SEC16A: variants seen among roughly 807,000 people sequenced by gnomAD.
SEC16A encodes protein transport protein Sec16A.
In SEC16A, 110 loss-of-function variants were observed where a neutral mutation model predicts 221.9. That is an observed-to-expected ratio of 0.50 (90% confidence interval 0.42 to 0.58). The LOEUF is 0.58. Ranked by LOEUF, SEC16A falls within the 20% of genes least tolerant of loss-of-function variation. The pLI is 0.00. For missense variants in SEC16A, 3,165 were observed against 3,097.8 expected (o/e 1.02, Z -0.52); for synonymous variants, 1,393 against 1,257.7 (o/e 1.11, Z -2.28).
intron 23 of SEC16A, among the ~76,000 whole-genome samples, chr9:136,449,798 AG>A (rs1257129476): frequency 8.5e-5 from 13 of 152,230 alleles, no homozygotes; most frequent in African/African-American, 3.1e-4. Flanking sequence ...GTTTTATCTC[AG>A]AGCTCACACA....
chr9:136,460,089 G>A lies in SEC16A; in HGVS notation c.5026C>T (p.Gln1676Ter). ...ANSLPINDPLQTVYQLMSGRM... is the reference protein window; with the variant it reads ...ANSLPINDPL ...CCGGACATGAGCTGGTAGACTGTCT[G>A]CAGAGGGTCGTTGATTGGGAGGCTG... The change falls in exon 14 of 32, where the codon CAG becomes TAG. Residue 1676 changes from glutamine to a stop codon, truncating the protein, a stop_gained. Transcript: ENST00000684901. LOFTEE classifies it high-confidence loss of function. 6.2e-7 allele frequency: 1 copy of A among 1,607,834 alleles called. No homozygotes were observed. The highest frequency in any genetic ancestry group is 8.5e-7 in the Non-Finnish European group (1 of 1,177,162).
chr9:136,447,182 G>C lies in SEC16A; in HGVS notation c.6697+45C>G. On this transcript the variant is annotated intron_variant, in intron 27 of 31. Coordinates refer to ENST00000684901, the MANE Select transcript of SEC16A (RefSeq NM_014866.2). This position sits in a 1 kb window ranked among gnomAD's most constrained non-coding sequence, Gnocchi z 5.5. ...TCATAGAAAGAGGATCAAAGGTCAG[G>C]AGACTGGGGGCTGACCTGGAGGGGC... 1 of 1,567,688 alleles carries C rather than the reference G, an allele frequency of 6.4e-7. No individual in the cohort carries two copies. Among genetic ancestry groups the C allele is most frequent in the Non-Finnish European group, 8.7e-7 (1 of 1,155,880 alleles).
Position 136,455,725 on chromosome 9 carries a change from C to A in SEC16A, c.5733G>T (p.Glu1911Asp), listed in dbSNP as rs1421572260. ...GTCCTGGCCTGTCCAACTGCTCCAT[C>A]TCGGAACTCGGAGTGCCAGGACACT... ...PQQCPGTPSSEMEQLDRPGLS... is the reference protein window; with the variant it reads ...PQQCPGTPSSDMEQLDRPGLS... Residue 1911 changes from glutamate to aspartate, a missense_variant, in exon 20 of 32, where the codon GAG (glutamate) becomes GAT (aspartate). Transcript: ENST00000684901. 1 of 1,596,262 alleles carries A rather than the reference C, an allele frequency of 6.3e-7. No homozygotes were observed.
chr9:136,456,903 C>T (rs1368967787), intron 18 of SEC16A, among the ~76,000 whole-genome samples: 3 of 152,118 alleles, frequency 2.0e-5, no homozygotes, highest in Admixed American at 1.3e-4. Flanking sequence ...CGTGGTGGCT[C>T]ACGCCTGTAA....
Position 136,447,475 on chromosome 9 carries a change from C to T in SEC16A, c.6559+94G>A. 2.0e-6 allele frequency: 3 copies of T among 1,535,742 alleles called. No individual in the cohort carries two copies. The highest frequency in any genetic ancestry group is 2.7e-6 in the Non-Finnish European group (3 of 1,122,126). The stretch of plus-strand genomic sequence containing the variant: ...AAAGCACGCAGGGACGTGCGGGAAG[C>T]CACCTCCTCCCCACGCACAACAGCT... On this transcript the variant is annotated intron_variant, in intron 26 of 31. Coordinates refer to ENST00000684901, the MANE Select transcript of SEC16A (RefSeq NM_014866.2). This position sits in a 1 kb window ranked among gnomAD's most constrained non-coding sequence, Gnocchi z 5.5.
chr9:136,483,651 A>G, upstream of SEC16A: 6 of 985,512 alleles, frequency 6.1e-6, no homozygotes, highest in Non-Finnish European at 7.2e-6. Flanking sequence ...AATCAAGGCC[A>G]CAAGCGGGAA....
Position 136,474,739 on chromosome 9 carries a change from A to G in SEC16A, c.2877T>C (p.Ala959=). ...SALPGFANSP[A]GSTSVVLVPP... is the part of the protein sequence containing the mutation. ...GAACTAACACCACACTTGTGCTTCCAGCAGGGCTATTAGCAAATCCGGGAA... is the reference window on the plus strand; with the variant it reads ...GAACTAACACCACACTTGTGCTTCCGGCAGGGCTATTAGCAAATCCGGGAA... The change falls in exon 3 of 32, where the codon GCT becomes GCC. Residue 959 remains alanine, a synonymous_variant. Coordinates refer to ENST00000684901, the MANE Select transcript of SEC16A (RefSeq NM_014866.2). The G allele has an allele frequency of 1.2e-6, 2 of 1,613,930 alleles. No individual in the cohort carries two copies. The highest frequency in any genetic ancestry group is 1.7e-6 in the Non-Finnish European group (2 of 1,179,900).
intron 20 of SEC16A, among the ~76,000 whole-genome samples, chr9:136,455,231 G>A (rs746379686): frequency 8.5e-5 from 13 of 152,306 alleles, no homozygotes; most frequent in South Asian, 2.1e-4. Flanking sequence ...CGACGGGGCC[G>A]ACTGGGAGAA....
upstream of SEC16A, chr9:136,483,539 G>C (rs1842686879): frequency 2.0e-6 from 2 of 976,924 alleles, no homozygotes. Context: ...CCACCTGCCC[G>C]GCCAGGCGCG....
chr9:136,459,603 C>T lies in SEC16A; in HGVS notation c.5192-48G>A, dbSNP rs1021038485. 1.6e-5 allele frequency: 24 copies of T among 1,472,124 alleles called. No homozygotes were observed. In the East Asian group the frequency reaches 2.4e-4, roughly 15 times the overall value. 91.2% of individuals were successfully genotyped at this position (1,472,124 alleles called of 1,614,324 possible). On this transcript the variant is annotated intron_variant, in intron 15 of 31. Transcript: ENST00000684901. The surrounding 1 kb of genome is among the most constrained non-coding windows in gnomAD (Gnocchi z 6.1). ...ACGGCGGGGGCTCAGCGACCGGGAG[C>T]GCTTGCAGAAGTCAAGGACGCGCAC...
intron 18 of SEC16A, among the ~76,000 whole-genome samples, chr9:136,456,972 G>T (rs1838766234): frequency 6.6e-6 from 1 of 152,212 alleles, no homozygotes; most frequent in Non-Finnish European, 1.5e-5. Context: ...AAGAGTTCGA[G>T]ACCAGCCTGG....
At chr9:136,463,972 C>T (rs1477637209) in intron 9 of SEC16A, among the ~76,000 whole-genome samples, 1 of 152,230 alleles carries the variant, frequency 6.6e-6, no homozygotes. Context: ...TTTTCTCTCC[C>T]CAAATACTGA....
chr9:136,463,422 A>T, intron 11 of SEC16A, 41 bp downstream of exon 11: 1 of 1,600,532 alleles, frequency 6.2e-7, no homozygotes, highest in Non-Finnish European at 8.5e-7. Context: ...CGAAATGAAG[A>T]CCAGCAAGAA....
chr9:136,456,268 T>A (rs1189213218), intron 18 of SEC16A, 102 bp from the exon 19 acceptor site: 1 of 795,524 alleles, frequency 1.3e-6, no homozygotes, highest in African/African-American at 1.7e-5. Context: ...TCACTGGCAA[T>A]AAAGTTTAAT....
At position 136,447,175 on chromosome 9, in the gene SEC16A, AG is replaced by A; in HGVS notation, c.6697+51del. 1 of 1,560,204 alleles carries A rather than the reference AG, an allele frequency of 6.4e-7. No homozygotes were observed. The highest frequency in any genetic ancestry group is 8.7e-7 in the Non-Finnish European group (1 of 1,151,122). ...GAGAGACTCATAGAAAGAGGATCAA[AG>A]GTCAGGAGACTGGGGGCTGACCTGG... On this transcript the variant is annotated intron_variant, in intron 27 of 31. Transcript: ENST00000684901. This position sits in a 1 kb window ranked among gnomAD's most constrained non-coding sequence, Gnocchi z 5.5.
chr9:136,454,268 C>T lies in SEC16A; in HGVS notation c.5917G>A (p.Val1973Met). 6.3e-7 allele frequency: 1 copy of T among 1,583,520 alleles called. No individual in the cohort carries two copies. The highest frequency in any genetic ancestry group is 8.6e-7 in the Non-Finnish European group (1 of 1,165,350). The change falls in exon 21 of 32, where the codon GTG becomes ATG. Residue 1973 changes from valine to methionine, a missense_variant. This residue lies in a region of SEC16A where 1,088 missense variants were observed against 1,089.6 expected (regional missense o/e 1.00). Transcript: ENST00000684901. ...ASPARVPMFP[V>M]PLPPGPLEPG... The stretch of plus-strand genomic sequence containing the variant: ...TCCAGGGGCCCCGGGGGCAGTGGCA[C>T]TGGGAACATCGGCACTCTGGCAGGA...
intron 4 of SEC16A, 53 bp downstream of exon 4, chr9:136,471,922 C>T: frequency 1.9e-6 from 3 of 1,593,892 alleles, no homozygotes; most frequent in Non-Finnish European, 2.6e-6. Flanking sequence ...GCAAGCAACA[C>T]AGACATGGGT....
At position 136,476,772 on chromosome 9, in the gene SEC16A, C is replaced by T. The variant is rs1322576039; in HGVS notation, c.844G>A (p.Glu282Lys). ...PAALPSDGRDEVSHLQSGSHL... is the reference protein window; with the variant it reads ...PAALPSDGRDKVSHLQSGSHL... ...CTTCCACTTTGCAAGTGGCTCACCT[C>T]GTCTCTTCCGTCACTGGGCAAGGCT... Residue 282 changes from glutamate (E) to lysine (K), a missense_variant, in exon 3 of 32, where the codon GAG (glutamate) becomes AAG (lysine). Glu to Lys is a moderately conservative substitution (Grantham distance 56). Coordinates refer to ENST00000684901, the MANE Select transcript of SEC16A (RefSeq NM_014866.2). 16 of 1,611,096 alleles carry T rather than the reference C, an allele frequency of 9.9e-6. No individual in the cohort carries two copies. The highest frequency in any genetic ancestry group is 2.2e-5 in the East Asian group (1 of 44,810).
Position 136,441,720 on chromosome 9 carries a change from C to T in SEC16A, c.*35G>A. The T allele has an allele frequency of 6.2e-7, 1 of 1,603,370 alleles. No homozygotes were observed. Among genetic ancestry groups the T allele is most frequent in the Non-Finnish European group, 8.5e-7 (1 of 1,170,986 alleles). ...GGTTCTTCGGGGAGAACAGCAGCGT[C>T]AGGGCTCCAAGTGCAAGTTCACAGC... On this transcript the variant is annotated 3_prime_UTR_variant, in exon 32 of 32. Coordinates refer to ENST00000684901, the MANE Select transcript of SEC16A (RefSeq NM_014866.2).
Sources: allele counts gnomAD v4.1 joint callset (sites outside exome capture counted in the v4.1 genomes callset), GRCh38; gene constraint gnomAD v4.1.1; regional missense constraint gnomAD v4.1.1; non-coding constraint Gnocchi (gnomAD v3.1); transcripts MANE v1.5; gene names NCBI Gene and HGNC (gene_info 2026-07-23, HGNC 2026-07-21).